The following CLDN2 variants were observed in gnomAD, a reference collection of about 807,000 sequenced individuals.
The protein encoded by CLDN2 is claudin 2, also known as claudin-2.
Under a neutral mutation model 8.2 loss-of-function variants are expected in CLDN2, and 1 was observed. The ratio of observed to expected loss-of-function variants is 0.12; its 90% CI spans 0.04 to 0.58. The LOEUF is 0.58. Among genes scored for constraint, CLDN2 ranks in the 20% least tolerant of loss-of-function variants. The pLI is 0.90. For missense variants in CLDN2, 108 were observed against 172.9 expected, an observed-to-expected ratio of 0.62 and a Z score of 2.11; for synonymous variants, 70 against 70.2, an observed-to-expected ratio of 1.00 and a Z score of 0.01.
At chrX:106,911,969 G>A (rs905543257) in intron 1 of CLDN2, among the ~76,000 whole-genome samples, 4 of 111,547 alleles carry the variant, frequency 3.6e-5, no homozygotes, top group Admixed American at 1.9e-4. Context: ...CCCAGGATAC[G>A]AGTAGTTACA....
At position 106,930,076 on chromosome X, in the gene CLDN2, G is replaced by A. The variant is rs1007842765; in HGVS notation, c.*1155G>A. On this transcript the variant is annotated 3_prime_UTR_variant, in exon 2 of 2. Coordinates refer to ENST00000336803, the MANE Select transcript of CLDN2 (RefSeq NM_020384.4). ...GGAAAATCAGCTCAAATGAGATCAG[G>A]CCCCCCCAGGGTCCACCCACAGAGC... 3 of 122,587 alleles carry A rather than the reference G, an allele frequency of 2.4e-5. No homozygotes were observed. The highest frequency in any genetic ancestry group is 1.9e-4 in the Admixed American group (2 of 10,511). The allele number at this position is 122,587 out of a possible 1,213,427, so 10.1% of individuals were successfully genotyped here. A position where few individuals can be genotyped will look rare whatever the true frequency, so the allele number is the denominator to read the frequency against.
At chrX:106,910,732 T>C (rs1243299708) in intron 1 of CLDN2, among the ~76,000 whole-genome samples, 1 of 106,143 alleles carries the variant, frequency 9.4e-6, no homozygotes, top group Non-Finnish European at 1.9e-5. Context: ...GCCATAAAAG[T>C]AAAGGTCAGC....
chrX:106,906,833 G>A (rs1157440037), intron 1 of CLDN2, among the ~76,000 whole-genome samples: 1 of 111,529 alleles, frequency 9.0e-6, no homozygotes, highest in Non-Finnish European at 1.9e-5. Context: ...ATTATAAAAT[G>A]CCTGTCTCTG....
At chrX:106,900,586 A>G (rs1933075070) in intron 1 of CLDN2, 3 of 930,328 alleles carry the variant, frequency 3.2e-6, no homozygotes, top group African/African-American at 4.0e-5. Context: ...ACTTCCGGCT[A>G]ACTGATGTCT....
chrX:106,913,097 T>C (rs927074929), intron 1 of CLDN2, among the ~76,000 whole-genome samples: 1 of 95,974 alleles, frequency 1.0e-5, no homozygotes, highest in African/African-American at 6.2e-5. Flanking sequence ...CAAAGTGCAA[T>C]TGATTTTTTT....
At chrX:106,925,589 G>A (rs1933454376) in intron 1 of CLDN2, among the ~76,000 whole-genome samples, 1 of 112,432 alleles carries the variant, frequency 8.9e-6, no homozygotes, top group Non-Finnish European at 1.9e-5. Flanking sequence ...GGGAGCCACT[G>A]GAATGCTTTA....
At chrX:106,913,988 T>A (rs1933281287), upstream of CLDN2, among the ~76,000 whole-genome samples, 1 of 99,794 alleles carries the variant, frequency 1.0e-5, no homozygotes, top group African/African-American at 3.8e-5. Flanking sequence ...GGTCTCGCTC[T>A]GTGGCCCAGG....
In CLDN2 at chrX:106,928,932, G is replaced by T; in HGVS notation, c.*11G>T. 1 of 1,197,147 alleles carries T rather than the reference G, an allele frequency of 8.4e-7. No homozygotes were observed. Among genetic ancestry groups the T allele is most frequent in the Non-Finnish European group, 1.1e-6 (1 of 884,427 alleles). On this transcript the variant is annotated 3_prime_UTR_variant, in exon 2 of 2. Transcript: ENST00000336803. ...ACAGGGTATGTGTGAAGAACCAGGG[G>T]CCAGAGCTGGGGGGTGGCTGGGTCT...
upstream of CLDN2, among the ~76,000 whole-genome samples, chrX:106,919,907 T>C (rs1038030576): frequency 8.9e-6 from 1 of 112,526 alleles, no homozygotes; most frequent in South Asian, 3.7e-4. Context: ...CTCTTTGAAC[T>C]CAGAGTCTGA....
upstream of CLDN2, among the ~76,000 whole-genome samples, chrX:106,917,330 G>A (rs1030218652): frequency 2.7e-5 from 3 of 112,184 alleles, no homozygotes; most frequent in Admixed American, 9.4e-5. Context: ...GAAACCAGAG[G>A]AGTGTTGTTA....
At chrX:106,927,139 G>A (rs1005346085) in intron 1 of CLDN2, among the ~76,000 whole-genome samples, 2 of 111,689 alleles carry the variant, frequency 1.8e-5, no homozygotes, top group African/African-American at 6.5e-5. Context: ...ATGGGGAGGT[G>A]TGCCCTTGAC....
chrX:106,919,883 C>A (rs948758041), upstream of CLDN2, among the ~76,000 whole-genome samples: 2 of 112,600 alleles, frequency 1.8e-5, no homozygotes, highest in Non-Finnish European at 3.8e-5. Flanking sequence ...CTCAGTTCCA[C>A]CTTGTAGGAC....
chrX:106,920,322 T>C (rs772392788), upstream of CLDN2: 2 of 108,747 alleles, frequency 1.8e-5, no homozygotes, highest in Non-Finnish European at 3.8e-5. Context: ...TTTTTTTTTT[T>C]CTAAAGTGCC....
intron 1 of CLDN2, among the ~76,000 whole-genome samples, chrX:106,911,179 G>A (rs546142597): frequency 8.1e-5 from 9 of 111,517 alleles, no homozygotes; most frequent in African/African-American, 2.9e-4. Context: ...TCCTGGGGAT[G>A]AAAACAATAG....
At chrX:106,926,330 G>C (rs1412049012) in intron 1 of CLDN2, among the ~76,000 whole-genome samples, 2 of 111,551 alleles carry the variant, frequency 1.8e-5, no homozygotes, top group Admixed American at 1.9e-4. Context: ...ATTCTGACTA[G>C]GTGATTGCTC....
chrX:106,914,629 T>C (rs1420812221), upstream of CLDN2, among the ~76,000 whole-genome samples: 2 of 111,782 alleles, frequency 1.8e-5, no homozygotes, highest in Non-Finnish European at 3.8e-5. Flanking sequence ...TTTTTTTGTT[T>C]TGAAAACTAT....
In CLDN2 at chrX:106,928,164, A is replaced by G; in HGVS notation, c.-65A>G. ...AATGAGGGATTAGAGGTGTTCAAGGAGCAAGAGCTTCAGCCTGAAGACAAG... is the reference window on the plus strand; with the variant it reads ...AATGAGGGATTAGAGGTGTTCAAGGGGCAAGAGCTTCAGCCTGAAGACAAG... On this transcript the variant is annotated 5_prime_UTR_variant, in exon 2 of 2. Transcript: ENST00000336803. The G allele has an allele frequency of 1.2e-6, 1 of 858,719 alleles. No homozygotes were observed. The highest frequency in any genetic ancestry group is 1.7e-6 in the Non-Finnish European group (1 of 596,076). 70.8% of individuals were successfully genotyped at this position (858,719 alleles called of 1,213,427 possible).
intron 1 of CLDN2, chrX:106,900,812 G>C (rs187005190): frequency 5.0e-6 from 6 of 1,209,489 alleles, no homozygotes; most frequent in Non-Finnish European, 6.7e-6. Context: ...CTGAGTCCTC[G>C]TATAGGTTGA....
intron 1 of CLDN2, among the ~76,000 whole-genome samples, chrX:106,924,512 T>C (rs1013962772): frequency 9.1e-6 from 1 of 110,497 alleles, no homozygotes; most frequent in African/African-American, 3.3e-5. Flanking sequence ...TATGTTTCTC[T>C]CCCTTCATCA....
Sources: gnomAD v4.1 joint callset for allele counts (sites outside exome capture counted in the v4.1 genomes callset) on GRCh38, gnomAD v4.1.1 for gene constraint, MANE v1.5 for transcripts, NCBI Gene and HGNC (gene_info 2026-07-23, HGNC 2026-07-21) for gene names.